Variants in LPAR3 observed in about 807,000 individuals in gnomAD.
LPAR3 encodes the protein lysophosphatidic acid receptor 3.
LPAR3 carries 7 observed loss-of-function variants against 17.8 expected under a neutral mutation model. The observed-to-expected ratio is 0.39, with a 90% CI of 0.22 to 0.74. The LOEUF is 0.74. LPAR3 is among the 30% of genes least tolerant of loss of function. The pLI is 0.40. For missense variants in LPAR3, 391 were observed against 453.4 expected, an observed-to-expected ratio of 0.86 and a Z score of 1.25; for synonymous variants, 179 against 179.9, an observed-to-expected ratio of 0.99 and a Z score of 0.04.
chr1:84,816,755 C>G (rs1190471227), intron 2 of LPAR3, among the ~76,000 whole-genome samples: 1 of 152,148 alleles, frequency 6.6e-6, no homozygotes, highest in Non-Finnish European at 1.5e-5. Flanking sequence ...CGAGATTGTG[C>G]CACTGCACTC....
intron 2 of LPAR3, among the ~76,000 whole-genome samples, chr1:84,826,150 CATATA>C (rs754155195): frequency 1.1e-4 from 17 of 150,432 alleles, no homozygotes; most frequent in East Asian, 5.8e-4. Context: ...ATAATAGCAA[CATATA>C]ATATATACAT....
chr1:84,858,504 A>C (rs1181786840), intron 2 of LPAR3, among the ~76,000 whole-genome samples: 2 of 120,396 alleles, frequency 1.7e-5, no homozygotes, highest in Non-Finnish European at 1.8e-5. Context: ...AAAAAAAAAA[A>C]CCTAAAAAAC....
chr1:84,812,378 T>C lies in LPAR3; in HGVS notation c.*1468A>G, dbSNP rs530812762. 6.6e-6 allele frequency: 1 copy of C among 151,016 alleles called. No homozygotes were observed. Among genetic ancestry groups the C allele is most frequent in the Non-Finnish European group, 1.5e-5 (1 of 67,896 alleles). 9.4% of individuals were successfully genotyped at this position (151,016 alleles called of 1,614,324 possible). ...GTCCTTCGAGTTTTTAAATGCAAAG[T>C]GAAGTTGTTTAAATATACACATGTG... On this transcript the variant is annotated 3_prime_UTR_variant, in exon 3 of 3. Coordinates refer to ENST00000370611, the MANE Select transcript of LPAR3 (RefSeq NM_012152.3).
chr1:84,840,725 C>A (rs934702334), intron 2 of LPAR3, among the ~76,000 whole-genome samples: 2 of 152,144 alleles, frequency 1.3e-5, no homozygotes, highest in African/African-American at 4.8e-5. Flanking sequence ...CAGACTTTGA[C>A]AGGGGATTAA....
chr1:84,871,655 C>G (rs1024090605), intron 1 of LPAR3, among the ~76,000 whole-genome samples: 1 of 152,182 alleles, frequency 6.6e-6, no homozygotes, highest in Non-Finnish European at 1.5e-5. Flanking sequence ...CCTGGGTCAG[C>G]AATCACGTCT....
At chr1:84,830,742 G>A (rs1189534406) in intron 2 of LPAR3, among the ~76,000 whole-genome samples, 2 of 152,136 alleles carry the variant, frequency 1.3e-5, no homozygotes, top group African/African-American at 4.8e-5. Context: ...TAATGGAATG[G>A]AAAATTAAAT....
chr1:84,879,563 G>A (rs991126813), intron 1 of LPAR3, among the ~76,000 whole-genome samples: 3 of 151,892 alleles, frequency 2.0e-5, no homozygotes, highest in Admixed American at 6.6e-5. Context: ...CACCCACCTC[G>A]GCCTCCCAAA....
At chr1:84,858,224 G>A (rs1222687236) in intron 2 of LPAR3, among the ~76,000 whole-genome samples, 1 of 152,068 alleles carries the variant, frequency 6.6e-6, no homozygotes, top group African/African-American at 2.4e-5. Flanking sequence ...GTTCATGCCT[G>A]CAATCCCAGC....
chr1:84,853,485 GC>G (rs1659759849), intron 2 of LPAR3, among the ~76,000 whole-genome samples: 1 of 152,196 alleles, frequency 6.6e-6, no homozygotes, highest in South Asian at 2.1e-4. Context: ...GCCTGACCCT[GC>G]CTCTGAATTT....
At chr1:84,829,149 GC>G (rs1306088532) in intron 2 of LPAR3, among the ~76,000 whole-genome samples, 25 of 108,204 alleles carry the variant, frequency 2.3e-4, no homozygotes, top group African/African-American at 9.3e-4. Flanking sequence ...ATCCCTCTCT[GC>G]AATTTTTTTT....
chr1:84,865,316 A>C (rs1482749492), intron 2 of LPAR3, 69 bp downstream of exon 2: 2 of 1,496,426 alleles, frequency 1.3e-6, no homozygotes, highest in Non-Finnish European at 1.8e-6. Flanking sequence ...TGCCTGGTAC[A>C]CCACAGATGC....
rs75038819 is a variant in LPAR3 at position 84,819,868 on chromosome 1, A to G, written c.737-5697T>C. ...CTGCCTTCTCCACTGGAGCTCTCCCATCTCTTCCACCACAGTGTCCATTTC... is the reference window on the plus strand; with the variant it reads ...CTGCCTTCTCCACTGGAGCTCTCCCGTCTCTTCCACCACAGTGTCCATTTC... On this transcript the variant is annotated intron_variant, in intron 2 of 2. Transcript: ENST00000370611. Among the ~76,000 whole-genome samples, 73 of 152,174 alleles carry G rather than the reference A, an allele frequency of 4.8e-4. 3 individuals are homozygous for G. In the East Asian group the frequency reaches 0.013, roughly 26 times the overall value.
chr1:84,844,244 T>C (rs959801368), intron 2 of LPAR3, among the ~76,000 whole-genome samples: 1 of 152,242 alleles, frequency 6.6e-6, no homozygotes, highest in African/African-American at 2.4e-5. Context: ...TAATTTACTC[T>C]TCTATGCTTC....
intron 1 of LPAR3, among the ~76,000 whole-genome samples, chr1:84,876,837 G>A (rs1660269289): frequency 6.6e-6 from 1 of 152,188 alleles, no homozygotes; most frequent in Non-Finnish European, 1.5e-5. Context: ...CTCAGAGAAA[G>A]AAAGGGGAAT....
intron 2 of LPAR3, among the ~76,000 whole-genome samples, chr1:84,858,648 C>A (rs1430755441): frequency 6.6e-6 from 1 of 152,150 alleles, no homozygotes; most frequent in Non-Finnish European, 1.5e-5. Flanking sequence ...CACTTACCTT[C>A]CCCTCAGCCT....
chr1:84,847,924 C>T (rs746260752), intron 2 of LPAR3, among the ~76,000 whole-genome samples: 4 of 152,174 alleles, frequency 2.6e-5, no homozygotes, highest in African/African-American at 4.8e-5. Context: ...TGCCTAGGTC[C>T]CACCCCTTCC....
chr1:84,827,104 G>A (rs185084704), intron 2 of LPAR3, among the ~76,000 whole-genome samples: 1 of 152,078 alleles, frequency 6.6e-6, no homozygotes, highest in African/African-American at 2.4e-5. Context: ...GTCATTCAAC[G>A]GTAAAACCAC....
In LPAR3 at chr1:84,817,660, T is replaced by C. The variant is rs187400653; in HGVS notation, c.737-3489A>G. ...AAGAACATTTGCCTTTTGTTGTTCA[T>C]TGGAAACAGCATAAAGATGAGATCA... On this transcript the variant is annotated intron_variant, in intron 2 of 2. Coordinates refer to ENST00000370611, the MANE Select transcript of LPAR3 (RefSeq NM_012152.3). Among the ~76,000 whole-genome samples the C allele has an allele frequency of 3.3e-5, 5 of 152,266 alleles. No homozygotes were observed. In the East Asian group the frequency reaches 9.7e-4, roughly 29 times the overall value.
At chr1:84,816,755 C>A (rs1190471227) in intron 2 of LPAR3, among the ~76,000 whole-genome samples, 1 of 152,148 alleles carries the variant, frequency 6.6e-6, no homozygotes, top group African/African-American at 2.4e-5. Context: ...CGAGATTGTG[C>A]CACTGCACTC....
Sources: gnomAD v4.1 joint callset for allele counts (sites outside exome capture counted in the v4.1 genomes callset) on GRCh38, gnomAD v4.1.1 for gene constraint, MANE v1.5 for transcripts, NCBI Gene and HGNC (gene_info 2026-07-23, HGNC 2026-07-21) for gene names.